Variants in PTPRN2 observed in about 807,000 individuals in gnomAD.
PTPRN2 encodes receptor-type tyrosine-protein phosphatase N2.
In PTPRN2, 74 loss-of-function variants were observed where a neutral mutation model predicts 118.8. The ratio of observed to expected loss-of-function variants is 0.62; its 90% CI spans 0.52 to 0.76. The LOEUF is 0.76. Among genes scored for constraint, PTPRN2 ranks in the 30% least tolerant of loss-of-function variants. The pLI is 0.00. For missense variants in PTPRN2, 1,481 were observed against 1,394.4 expected, an observed-to-expected ratio of 1.06 and a Z score of -0.99; for synonymous variants, 641 against 608.0, an observed-to-expected ratio of 1.05 and a Z score of -0.80.
At chr7:157,710,621 G>A (rs1461526477) in intron 12 of PTPRN2, among the ~76,000 whole-genome samples, 2 of 152,120 alleles carry the variant, frequency 1.3e-5, no homozygotes, top group African/African-American at 4.8e-5. Flanking sequence ...ACAGCTCCCA[G>A]ATGTCCCCTG....
intron 3 of PTPRN2, among the ~76,000 whole-genome samples, chr7:158,251,330 G>A (rs1022756461): frequency 3.3e-5 from 5 of 152,192 alleles, no homozygotes; most frequent in East Asian, 3.9e-4. Flanking sequence ...CTTACTGCAC[G>A]GATATGATAC....
intron 12 of PTPRN2, among the ~76,000 whole-genome samples, chr7:157,724,876 A>G (rs1563041321): frequency 6.6e-6 from 1 of 152,218 alleles, no homozygotes; most frequent in Non-Finnish European, 1.5e-5. Context: ...TTCTTCTTAC[A>G]TGATAAATTT....
At chr7:157,891,995 C>G (rs1281979940) in intron 12 of PTPRN2, among the ~76,000 whole-genome samples, 1 of 152,206 alleles carries the variant, frequency 6.6e-6, no homozygotes, top group Non-Finnish European at 1.5e-5. Flanking sequence ...TGCAGGGGCT[C>G]TGCTGAGACT....
intron 10 of PTPRN2, among the ~76,000 whole-genome samples, chr7:158,095,495 C>A (rs1337829866): frequency 6.6e-6 from 1 of 152,096 alleles, no homozygotes; most frequent in Non-Finnish European, 1.5e-5. Context: ...CGTCTCTACT[C>A]CATGGAGGAG....
rs1563073216 is a variant in PTPRN2, at chr7:158,273,666, C to CAT, written c.277+43152_277+43153insAT. Among the ~76,000 whole-genome samples the CAT allele has an allele frequency of 8.3e-5, 6 of 72,506 alleles. 1 individual carries two copies. Among genetic ancestry groups the CAT allele is most frequent in the Admixed American group, 2.7e-4 (2 of 7,446 alleles). The allele number at this position is 72,506 out of a possible 152,430, so 47.6% of individuals were successfully genotyped here. On this transcript the variant is annotated intron_variant, in intron 3 of 22. Transcript: ENST00000389418. ...ACAGACATGGGAGGAGCCGCAGACA[C>CAT]GGGAGGAGCCGCAGACACAGGGAGC... is the stretch of plus-strand genomic sequence containing the variant.
rs1024562525 is a variant in PTPRN2 at position 157,561,139 on chromosome 7, G to A, written c.2902+7763C>T. On this transcript the variant is annotated intron_variant, in intron 21 of 22. Transcript: ENST00000389418. ...CACTGCCCAGCCATGCCATCCCCTCGGCCCCCGGGTCCTGTACTGCCCGGC... is the reference window on the plus strand; with the variant it reads ...CACTGCCCAGCCATGCCATCCCCTCAGCCCCCGGGTCCTGTACTGCCCGGC... Among the ~76,000 whole-genome samples, 21 of 151,964 alleles carry A rather than the reference G, an allele frequency of 1.4e-4. No individual in the cohort carries two copies. In the East Asian group the frequency reaches 1.5e-3, roughly 11 times the overall value.
intron 13 of PTPRN2, among the ~76,000 whole-genome samples, chr7:157,658,210 G>T (rs571027858): frequency 6.6e-6 from 1 of 152,160 alleles, no homozygotes; most frequent in South Asian, 2.1e-4. Flanking sequence ...TTGCACTGTG[G>T]ACTGAGATAC....
chr7:157,797,483 G>A (rs909489777), intron 12 of PTPRN2, among the ~76,000 whole-genome samples: 2 of 138,244 alleles, frequency 1.4e-5, no homozygotes, highest in Non-Finnish European at 3.0e-5. Context: ...GGTCGTGGGA[G>A]GCATCCCGTG....
intron 11 of PTPRN2, among the ~76,000 whole-genome samples, chr7:157,902,537 A>C (rs1196211855): frequency 7.2e-6 from 1 of 138,162 alleles, no homozygotes; most frequent in African/African-American, 2.8e-5. Context: ...CCTGGAGAGC[A>C]CGTGGGGACC....
At chr7:157,901,283 C>T (rs547114609) in intron 11 of PTPRN2, among the ~76,000 whole-genome samples, 14 of 152,320 alleles carry the variant, frequency 9.2e-5, no homozygotes, top group Admixed American at 5.9e-4. Context: ...CCAGGCTGCA[C>T]CTCCAACATG....
rs112923281 is a variant in PTPRN2, at chr7:157,757,465, G to A, written c.1789-74528C>T. Among the ~76,000 whole-genome samples the A allele has an allele frequency of 9.3e-3, 1,419 of 152,256 alleles. 13 individuals are homozygous for A. Among genetic ancestry groups the A allele is most frequent in the Non-Finnish European group, 0.014 (938 of 68,020 alleles). On this transcript the variant is annotated intron_variant, in intron 12 of 22. Coordinates refer to ENST00000389418, the MANE Select transcript of PTPRN2 (RefSeq NM_002847.5). Reference sequence around the variant, plus strand: ...GGCCGGTGGGGACAAGGAGGACCCCGGCAGGCGCGGGCAGGGCCGGGGCAA... The same window carrying A: ...GGCCGGTGGGGACAAGGAGGACCCCAGCAGGCGCGGGCAGGGCCGGGGCAA...
At chr7:158,085,638 CCA>C (rs1214914286) in intron 10 of PTPRN2, among the ~76,000 whole-genome samples, 5 of 128,072 alleles carry the variant, frequency 3.9e-5, no homozygotes, top group African/African-American at 1.5e-4. Flanking sequence ...CGACGCCCAT[CCA>C]CACAGATACC....
At chr7:158,000,010 G>A (rs911422173) in intron 11 of PTPRN2, among the ~76,000 whole-genome samples, 2 of 151,768 alleles carry the variant, frequency 1.3e-5, no homozygotes, top group Non-Finnish European at 1.5e-5. Flanking sequence ...CCTCAGCCTC[G>A]CGAGAAGCTG....
intron 13 of PTPRN2, among the ~76,000 whole-genome samples, chr7:157,670,459 CT>C (rs139495857): frequency 6.6e-6 from 1 of 152,306 alleles, no homozygotes; most frequent in Non-Finnish European, 1.5e-5. Context: ...TAATGAGCAT[CT>C]TCTCTCTGGA....
intron 14 of PTPRN2, among the ~76,000 whole-genome samples, chr7:157,642,843 A>AAAAAAAAC (rs1804783025): frequency 6.9e-6 from 1 of 143,952 alleles, no homozygotes; most frequent in Non-Finnish European, 1.5e-5. Context: ...AAAAAAAAAA[A>AAAAAAAAC]AGCAGCTAAA....
At chr7:158,226,686 T>G (rs1290927546) in intron 3 of PTPRN2, among the ~76,000 whole-genome samples, 1 of 109,982 alleles carries the variant, frequency 9.1e-6, no homozygotes, top group East Asian at 2.8e-4. Flanking sequence ...TTTTTTTTTT[T>G]TTTTTCCGGT....
chr7:157,544,638 A>G (rs1798189336), intron 22 of PTPRN2, among the ~76,000 whole-genome samples: 1 of 152,216 alleles, frequency 6.6e-6, no homozygotes, highest in Non-Finnish European at 1.5e-5. Flanking sequence ...GAACTGACAG[A>G]TGTAAAAGAG....
At chr7:158,387,236 C>G (rs1012209826) in intron 2 of PTPRN2, among the ~76,000 whole-genome samples, 7 of 152,204 alleles carry the variant, frequency 4.6e-5, no homozygotes, top group Admixed American at 3.9e-4. Flanking sequence ...CATGGGAGAC[C>G]AGAAACCTTT....
chr7:157,556,071 G>A (rs1011282985), intron 21 of PTPRN2, among the ~76,000 whole-genome samples: 6 of 152,312 alleles, frequency 3.9e-5, no homozygotes, highest in Non-Finnish European at 5.9e-5. Flanking sequence ...AGCCCCTCAC[G>A]TCTGGCAGAG....
Sources: gnomAD v4.1 joint callset for allele counts (sites outside exome capture counted in the v4.1 genomes callset) on GRCh38, gnomAD v4.1.1 for gene constraint, MANE v1.5 for transcripts, NCBI Gene and HGNC (gene_info 2026-07-23, HGNC 2026-07-21) for gene names.